Variants in FANCI observed in about 807,000 individuals in gnomAD.
FANCI encodes the protein Fanconi anemia group I protein.
A neutral mutation model predicts 176.1 loss-of-function variants in FANCI; 156 were observed. The ratio of observed to expected loss-of-function variants is 0.89; its 90% CI spans 0.78 to 1.01. The LOEUF (loss-of-function observed/expected upper bound fraction) is 1.01, where lower values mean the gene tolerates loss of function less well. Ranked by LOEUF, FANCI falls within the 50% of genes least tolerant of loss-of-function variation. The probability of loss-of-function intolerance (pLI) is 0.00; values close to 1 mark genes in which losing one functional copy is unlikely to be tolerated. For synonymous variants in FANCI, 613 were observed against 541.7 expected (o/e 1.13, Z -1.83); for missense variants, 1,678 against 1,534.1 (o/e 1.09, Z -1.57).
intron 24 of FANCI, among the ~76,000 whole-genome samples, chr15:89,296,037 G>A (rs886314366): frequency 3.3e-5 from 5 of 152,046 alleles, no homozygotes; most frequent in Non-Finnish European, 5.9e-5. Flanking sequence ...GCGTGATCTT[G>A]GCTTACTGCA....
At chr15:89,315,540 G>A (rs1466239776) in intron 37 of FANCI, 151 bp downstream of exon 37, 4 of 673,432 alleles carry the variant, frequency 5.9e-6, no homozygotes, top group Non-Finnish European at 1.1e-5. Flanking sequence ...CTCTCAGAAG[G>A]GTTGTAAACT....
intron 37 of FANCI, 119 bp from the exon 38 acceptor site, chr15:89,316,278 G>C: frequency 9.7e-7 from 1 of 1,030,146 alleles, no homozygotes; most frequent in South Asian, 1.4e-5. Flanking sequence ...GGGAAAGTGG[G>C]GAAAGCATGA....
intron 23 of FANCI, 91 bp from the exon 24 acceptor site, chr15:89,294,824 G>C: frequency 1.4e-6 from 2 of 1,394,682 alleles, no homozygotes; most frequent in Non-Finnish European, 1.9e-6. Context: ...GGGTGCTGCT[G>C]TTCTGAACAA....
At chr15:89,291,494 AAC>A in intron 19 of FANCI, 117 bp from the exon 20 acceptor site, 1 of 818,970 alleles carries the variant, frequency 1.2e-6, no homozygotes, top group Non-Finnish European at 2.1e-6. Context: ...TTGTTCTTTG[AAC>A]AGTTGGGAAA....
intron 30 of FANCI, 56 bp from the exon 31 acceptor site, chr15:89,305,549 T>A: frequency 1.2e-6 from 2 of 1,605,174 alleles, no homozygotes; most frequent in Non-Finnish European, 8.5e-7. Context: ...CCACAGTTAT[T>A]ATATTACCCC....
At position 89,292,997 on chromosome 15, in the gene FANCI, G is replaced by T. The variant is rs2283432; in HGVS notation, c.2225G>T (p.Cys742Phe). 3 of 1,613,784 alleles carry T rather than the reference G, an allele frequency of 1.9e-6. No individual in the cohort carries two copies. Among genetic ancestry groups the T allele is most frequent in the Non-Finnish European group, 2.5e-6 (3 of 1,179,818 alleles). Residue 742 changes from cysteine to phenylalanine, a missense_variant, in exon 22 of 38, where the codon TGT (cysteine) becomes TTT (phenylalanine). This residue lies in a region of FANCI where 1,204 missense variants were observed against 1,077.4 expected (regional missense o/e 1.12). Coordinates refer to ENST00000310775, the MANE Select transcript of FANCI (RefSeq NM_001113378.2). ...STSIGIKNNI[C>F]AFLVMGVCEV... ...AGTATTGGCATAAAAAATAATATCT[G>T]TGCTTTTCTTGTGATGGGAGTTTGT...
intron 2 of FANCI, among the ~76,000 whole-genome samples, chr15:89,257,040 G>C (rs919406743): frequency 6.6e-6 from 1 of 152,090 alleles, no homozygotes; most frequent in Non-Finnish European, 1.5e-5. Flanking sequence ...CCAAGTAGCT[G>C]GGACTACAGG....
chr15:89,306,552 C>T (rs543604195), intron 32 of FANCI, among the ~76,000 whole-genome samples: 2 of 151,904 alleles, frequency 1.3e-5, no homozygotes, highest in African/African-American at 4.8e-5. Flanking sequence ...AGTAGCTGGG[C>T]GTGGTGGTGG....
At chr15:89,264,734 T>G in intron 9 of FANCI, 127 bp downstream of exon 9, 1 of 719,904 alleles carries the variant, frequency 1.4e-6, no homozygotes, top group East Asian at 2.9e-5. Flanking sequence ...TTTCTAATCT[T>G]CTCTTAGCTA....
At chr15:89,297,785 G>A (rs1293189502) in intron 24 of FANCI, among the ~76,000 whole-genome samples, 2 of 150,834 alleles carry the variant, frequency 1.3e-5, no homozygotes, top group East Asian at 2.0e-4. Context: ...AGGGGGAGGG[G>A]GAGGGGGCTC....
intron 10 of FANCI, among the ~76,000 whole-genome samples, chr15:89,269,247 C>A (rs767983834): frequency 6.6e-6 from 1 of 152,206 alleles, no homozygotes; most frequent in Non-Finnish European, 1.5e-5. Flanking sequence ...CCTAACACTT[C>A]AATGCCTGAA....
chr15:89,277,333 T>C (rs972408050), intron 13 of FANCI, among the ~76,000 whole-genome samples: 3 of 152,068 alleles, frequency 2.0e-5, no homozygotes, highest in Non-Finnish European at 4.4e-5. Flanking sequence ...GAATCATGCT[T>C]GGTCGGGCAT....
At chr15:89,290,541 C>T in intron 19 of FANCI, 1 of 464,728 alleles carries the variant, frequency 2.2e-6, no homozygotes. Context: ...TTTTGAAGAA[C>T]CATTTATATA....
intron 24 of FANCI, among the ~76,000 whole-genome samples, chr15:89,298,076 CAG>C (rs987176404): frequency 1.3e-5 from 2 of 151,464 alleles, no homozygotes; most frequent in African/African-American, 4.8e-5. Context: ...AGTCAAAAAA[CAG>C]AAAACAAAAC....
At chr15:89,250,954 C>G (rs1226421591) in intron 2 of FANCI, among the ~76,000 whole-genome samples, 1 of 151,154 alleles carries the variant, frequency 6.6e-6, no homozygotes, top group African/African-American at 2.4e-5. Context: ...AACAAAAAAA[C>G]ACAAGAAACT....
rs1567158704 is a variant in FANCI, at chr15:89,283,238, CA to C, written c.1687del (p.Ser563ValfsTer29). ...LSSSQCSQSL[S>X]VSQVHVDVHS... ...CATCCTCTCAGTGCAGTCAGTCTCTCAGTGTCAGTCAGGTAAGGATTATTTA... is the reference window on the plus strand; with the variant it reads ...CATCCTCTCAGTGCAGTCAGTCTCTCGTGTCAGTCAGGTAAGGATTATTTA... On this transcript the variant is annotated frameshift_variant, in exon 17 of 38. Transcript: ENST00000310775. LOFTEE classifies it high-confidence loss of function. 2 of 1,613,960 alleles carry C rather than the reference CA, an allele frequency of 1.2e-6. No homozygotes were observed. The highest frequency in any genetic ancestry group is 3.3e-5 in the Admixed American group (2 of 60,028).
rs1468751223 is a variant in FANCI, at chr15:89,268,712, A to G, written c.882+187A>G. On this transcript the variant is annotated intron_variant, in intron 10 of 37. Coordinates refer to ENST00000310775, the MANE Select transcript of FANCI (RefSeq NM_001113378.2). ...GATGTTACCACACTCCCTTTTTTTT[A>G]ATGTCCTCACTTTAGCAGTATACCA... is the stretch of plus-strand genomic sequence containing the variant. 2.0e-5 allele frequency: 13 copies of G among 641,632 alleles called. No individual in the cohort carries two copies. The South Asian group carries it at 2.5e-4, about 12-fold the overall frequency. The allele number at this position is 641,632 out of a possible 1,614,324, so 39.7% of individuals were successfully genotyped here.
chr15:89,273,356 C>A, intron 10 of FANCI, 21 bp from the exon 11 acceptor site: 3 of 1,221,294 alleles, frequency 2.5e-6, no homozygotes, highest in Non-Finnish European at 3.6e-6. Flanking sequence ...AAATGACTTC[C>A]TTTTGGTTGC....
chr15:89,272,779 C>T (rs563500257), intron 10 of FANCI, among the ~76,000 whole-genome samples: 1 of 152,220 alleles, frequency 6.6e-6, no homozygotes, highest in African/African-American at 2.4e-5. Flanking sequence ...AAGTGATTCT[C>T]CTGCCTCAAC....
Sources: gnomAD v4.1 joint callset for allele counts (sites outside exome capture counted in the v4.1 genomes callset) on GRCh38, gnomAD v4.1.1 for gene constraint, gnomAD v4.1.1 regional missense constraint, MANE v1.5 for transcripts, NCBI Gene and HGNC (gene_info 2026-07-23, HGNC 2026-07-21) for gene names.